Variants in PAM observed in about 807,000 individuals in gnomAD.
The protein encoded by PAM is peptidyl-glycine alpha-amidating monooxygenase.
In PAM, 72 loss-of-function variants were observed where a neutral mutation model predicts 122.1. The observed-to-expected ratio is 0.59, with a 90% CI of 0.49 to 0.72. The LOEUF (loss-of-function observed/expected upper bound fraction) is 0.72. PAM is among the 30% of genes least tolerant of loss of function. The probability of loss-of-function intolerance (pLI) is 0.00; values close to 1 mark genes in which losing one functional copy is unlikely to be tolerated. For missense variants in PAM, 1,106 were observed against 1,183.7 expected (o/e 0.93, Z 0.96); for synonymous variants, 389 against 404.4 (o/e 0.96, Z 0.46).
chr5:102,871,589 T>C (rs1787474534), intron 3 of PAM, among the ~76,000 whole-genome samples: 1 of 149,638 alleles, frequency 6.7e-6, no homozygotes, highest in Non-Finnish European at 1.5e-5. Flanking sequence ...AAAGGAACAC[T>C]GAGAATAGAT....
rs1774140321 is a variant in PAM at position 102,827,848 on chromosome 5, G to A, written c.-373-37975G>A. ...ACTACAGGCGCCCGCCACTACGCCCGGCTAATTTTTTGTATTTTTAGTAGA... is the reference window on the plus strand; with the variant it reads ...ACTACAGGCGCCCGCCACTACGCCCAGCTAATTTTTTGTATTTTTAGTAGA... On this transcript the variant is annotated intron_variant, in intron 1 of 25. Coordinates refer to ENST00000438793, the MANE Select transcript of PAM (RefSeq NM_001177306.2). Among the ~76,000 whole-genome samples, 3 of 14,390 alleles carry A rather than the reference G, an allele frequency of 2.1e-4. 1 individual carries two copies. Among genetic ancestry groups the A allele is most frequent in the South Asian group, 0.01 (2 of 196 alleles). 9.4% of individuals were successfully genotyped at this position (14,390 alleles called of 152,430 possible). A position where few individuals can be genotyped will look rare whatever the true frequency, so the allele number is the denominator to read the frequency against.
chr5:102,802,104 C>T (rs1021892350), intron 1 of PAM, among the ~76,000 whole-genome samples: 7 of 152,100 alleles, frequency 4.6e-5, no homozygotes, highest in Non-Finnish European at 7.4e-5. Flanking sequence ...TTTTAAACTC[C>T]ACTAATTGAG....
rs926541236 is a variant in PAM, at chr5:102,946,981, A to G, written c.575+96A>G. Reference sequence around the variant, plus strand: ...CTGTATTAATTATCTGTGGGTAAAAATTAACCTAAACTGGGTTAAAACAAC... The same window carrying G: ...CTGTATTAATTATCTGTGGGTAAAAGTTAACCTAAACTGGGTTAAAACAAC... On this transcript the variant is annotated intron_variant, in intron 8 of 25. Transcript: ENST00000438793. 3.9e-5 allele frequency: 31 copies of G among 804,308 alleles called. No homozygotes were observed. The South Asian group carries it at 4.4e-4, about 11-fold the overall frequency. 49.8% of individuals were successfully genotyped at this position (804,308 alleles called of 1,614,324 possible). A position where few individuals can be genotyped will look rare whatever the true frequency, so the allele number is the denominator to read the frequency against.
At chr5:102,834,788 T>C (rs1776479481) in intron 1 of PAM, among the ~76,000 whole-genome samples, 1 of 152,074 alleles carries the variant, frequency 6.6e-6, no homozygotes, top group Non-Finnish European at 1.5e-5. Context: ...AAGAGATCCC[T>C]GGGATGGGAT....
chr5:102,764,463 A>G lies in PAM; in HGVS notation c.-374+9115A>G, dbSNP rs1321328062. Among the ~76,000 whole-genome samples the G allele has an allele frequency of 2.0e-5, 3 of 152,094 alleles. No homozygotes were observed. The East Asian group carries it at 5.8e-4, about 29-fold the overall frequency. ...TGAAGTCGGGGAACTAACTGTGCAA[A>G]GATTCTCTACGAAGCAGCGGTAACA... On this transcript the variant is annotated intron_variant, in intron 1 of 25. Transcript: ENST00000438793.
chr5:102,986,651 A>T (rs1242311925), intron 15 of PAM, among the ~76,000 whole-genome samples: 2 of 152,098 alleles, frequency 1.3e-5, no homozygotes, highest in Non-Finnish European at 1.5e-5. Context: ...TGACAATACT[A>T]CCTGATATGG....
chr5:103,019,079 AC>A (rs1210556920), intron 22 of PAM, among the ~76,000 whole-genome samples: 1 of 151,612 alleles, frequency 6.6e-6, no homozygotes, highest in Admixed American at 6.6e-5. Context: ...GGATTTGGGG[AC>A]CCCTGCTTTA....
In PAM at chr5:102,782,703, TTCTCTC is replaced by T. The variant is rs370769198; in HGVS notation, c.-374+27373_-374+27378del. Among the ~76,000 whole-genome samples the T allele has an allele frequency of 3.9e-3, 556 of 142,890 alleles. 4 individuals carry two copies. The highest frequency in any genetic ancestry group is 0.014 in the African/African-American group (527 of 37,488). The allele number at this position is 142,890 out of a possible 152,430, so 93.7% of individuals were successfully genotyped here. A position where few individuals can be genotyped will look rare whatever the true frequency, so the allele number is the denominator to read the frequency against. ...GCACTTGCTCCCTTCCTTTCTCCAT[TTCTCTC>T]TCTCTCTCTCTCTCTCTGTGTGTGT... On this transcript the variant is annotated intron_variant, in intron 1 of 25. Transcript: ENST00000438793.
chr5:103,020,262 T>C lies in PAM; in HGVS notation c.2485+419T>C, dbSNP rs1429188074. The stretch of plus-strand genomic sequence containing the variant: ...AAAAATATCTTTGGTGGGTCAGTGC[T>C]ATAATGGTATGGAAAGATTAGCTGT... On this transcript the variant is annotated intron_variant, in intron 23 of 25. Coordinates refer to ENST00000438793, the MANE Select transcript of PAM (RefSeq NM_001177306.2). 3.9e-5 allele frequency among the ~76,000 whole-genome samples: 6 copies of C among 152,172 alleles called. No homozygotes were observed. The East Asian group carries it at 7.7e-4, about 20-fold the overall frequency.
Position 102,946,887 on chromosome 5 carries a change from TA to T in PAM, c.575+4del. 1 of 1,592,944 alleles carries T rather than the reference TA, an allele frequency of 6.3e-7. No homozygotes were observed. The highest frequency in any genetic ancestry group is 8.6e-7 in the Non-Finnish European group (1 of 1,161,566). ...GTCCTTACACCTCACACGTCTGCCG[TA>T]AGTACTTCCATTTTTCCTAGAGGAG... On this transcript the variant is annotated splice_donor_region_variant and intron_variant, in intron 8 of 25. Coordinates refer to ENST00000438793, the MANE Select transcript of PAM (RefSeq NM_001177306.2).
At chr5:102,840,587 A>G (rs1192814196) in intron 1 of PAM, among the ~76,000 whole-genome samples, 1 of 152,250 alleles carries the variant, frequency 6.6e-6, no homozygotes, top group Admixed American at 6.5e-5. Context: ...AATATTTTCA[A>G]TAAAATAGAA....
intron 16 of PAM, among the ~76,000 whole-genome samples, chr5:102,990,646 T>C (rs1562162220): frequency 6.6e-6 from 1 of 152,330 alleles, no homozygotes; most frequent in Middle Eastern, 3.4e-3. Flanking sequence ...CAATCTGTGA[T>C]TCTACCCACT....
intron 1 of PAM, chr5:102,808,081 A>G (rs1182343105): frequency 6.6e-6 from 1 of 152,160 alleles, no homozygotes; most frequent in Non-Finnish European, 1.5e-5. Flanking sequence ...TTACCATAGT[A>G]TCCTCTGCCT....
chr5:103,003,001 G>T, intron 16 of PAM, 32 bp from the exon 17 acceptor site: 1 of 951,026 alleles, frequency 1.1e-6, no homozygotes, highest in Non-Finnish European at 1.7e-6. Flanking sequence ...ATTTATGATT[G>T]TTTCATGTCC....
intron 1 of PAM, among the ~76,000 whole-genome samples, chr5:102,790,175 T>C (rs1761686095): frequency 1.3e-5 from 2 of 152,132 alleles, no homozygotes; most frequent in African/African-American, 4.8e-5. Context: ...TCTGCTTACA[T>C]GCTCAGTGAA....
At chr5:102,802,838 T>A (rs168925) in intron 1 of PAM, among the ~76,000 whole-genome samples, 88,595 of 152,048 alleles carry the variant, frequency 0.58, 26,590 homozygotes, top group South Asian at 0.77. Flanking sequence ...ATTATCTTTA[T>A]CTTCATAACT....
intron 15 of PAM, among the ~76,000 whole-genome samples, chr5:102,980,743 C>T (rs987480186): frequency 1.3e-5 from 2 of 152,034 alleles, no homozygotes; most frequent in Non-Finnish European, 2.9e-5. Context: ...CAGAAAAAAA[C>T]CATGAAGTTT....
chr5:102,890,462 A>T (rs1794480325), intron 3 of PAM, among the ~76,000 whole-genome samples: 1 of 151,736 alleles, frequency 6.6e-6, no homozygotes, highest in East Asian at 1.9e-4. Context: ...AAATACATCT[A>T]TACAAGGAAA....
chr5:102,859,881 T>C (rs1783661414), intron 1 of PAM, among the ~76,000 whole-genome samples: 3 of 152,224 alleles, frequency 2.0e-5, no homozygotes, highest in Admixed American at 2.0e-4. Context: ...AGTAACATGC[T>C]GTACAGGTTT....
Sources: allele counts gnomAD v4.1 joint callset (sites outside exome capture counted in the v4.1 genomes callset), GRCh38; gene constraint gnomAD v4.1.1; transcripts MANE v1.5; gene names NCBI Gene and HGNC (gene_info 2026-07-23, HGNC 2026-07-21).